The following IPCEF1 variants were observed in gnomAD, a reference collection of about 807,000 sequenced individuals.
IPCEF1 encodes interaction protein for cytohesin exchange factors 1, also known as interactor protein for cytohesin exchange factors 1.
IPCEF1 carries 31 observed loss-of-function variants against 50.9 expected under a neutral mutation model. The observed-to-expected ratio is 0.61, with a 90% CI of 0.46 to 0.82. The LOEUF (loss-of-function observed/expected upper bound fraction) is 0.82, where lower values mean the gene tolerates loss of function less well. IPCEF1 is among the 40% of genes least tolerant of loss of function. The pLI is 0.00. For missense variants in IPCEF1, 458 were observed against 514.0 expected, an observed-to-expected ratio of 0.89 and a Z score of 1.05; for synonymous variants, 181 against 192.0, an observed-to-expected ratio of 0.94 and a Z score of 0.47.
Position 154,342,428 on chromosome 6 carries a change from C to A in IPCEF1, c.-62+14244G>T, listed in dbSNP as rs891440484. 9.2e-5 allele frequency among the ~76,000 whole-genome samples: 14 copies of A among 152,226 alleles called. 2 individuals carry two copies. The highest frequency in any genetic ancestry group is 2.0e-4 in the Admixed American group (3 of 15,296). On this transcript the variant is annotated intron_variant, in intron 1 of 11. Transcript: ENST00000367220. Reference sequence around the variant, plus strand: ...AGAATGTAACCATTCCTCTTACTACCTACTCACCCCTCTCCCTACATGCCT... The same window carrying A: ...AGAATGTAACCATTCCTCTTACTACATACTCACCCCTCTCCCTACATGCCT...
intron 10 of IPCEF1, among the ~76,000 whole-genome samples, chr6:154,194,828 G>A (rs1479726204): frequency 6.6e-6 from 1 of 152,138 alleles, no homozygotes; most frequent in East Asian, 1.9e-4. Flanking sequence ...GAGAAAGCAG[G>A]TGGTGAATCA....
chr6:154,176,227 G>T (rs1291044262), intron 10 of IPCEF1, among the ~76,000 whole-genome samples: 1 of 152,140 alleles, frequency 6.6e-6, no homozygotes, highest in East Asian at 1.9e-4. Flanking sequence ...TACTGAATGG[G>T]CAAAAACTGG....
intron 10 of IPCEF1, among the ~76,000 whole-genome samples, chr6:154,193,869 A>G (rs1345243429): frequency 6.6e-6 from 1 of 152,254 alleles, no homozygotes; most frequent in African/African-American, 2.4e-5. Flanking sequence ...TCCATACTCT[A>G]TACAGACAAA....
At chr6:154,261,538 T>C (rs1462942684) in intron 3 of IPCEF1, among the ~76,000 whole-genome samples, 1 of 152,142 alleles carries the variant, frequency 6.6e-6, no homozygotes, top group Non-Finnish European at 1.5e-5. Context: ...ACTGAACCGA[T>C]AGAACTTGGT....
chr6:154,293,255 A>G (rs142567535), intron 1 of IPCEF1, among the ~76,000 whole-genome samples: 34 of 152,326 alleles, frequency 2.2e-4, no homozygotes, highest in African/African-American at 7.9e-4. Context: ...AAAGCCAGAC[A>G]AGGTTTAGAG....
At chr6:154,352,494 T>C (rs181952263) in intron 1 of IPCEF1, among the ~76,000 whole-genome samples, 5 of 152,230 alleles carry the variant, frequency 3.3e-5, no homozygotes, top group Non-Finnish European at 7.3e-5. Context: ...TGGGCTGAGT[T>C]TAAGCTGGCT....
At chr6:154,179,218 A>G (rs1378402166) in intron 10 of IPCEF1, among the ~76,000 whole-genome samples, 1 of 152,212 alleles carries the variant, frequency 6.6e-6, no homozygotes, top group East Asian at 1.9e-4. Context: ...CTGACCCCAA[A>G]GCAAATGTGA....
chr6:154,248,619 G>C (rs1220676420), intron 3 of IPCEF1, among the ~76,000 whole-genome samples: 1 of 152,078 alleles, frequency 6.6e-6, no homozygotes, highest in Admixed American at 6.6e-5. Context: ...GTTTGAAGAA[G>C]GGATATGACA....
intron 1 of IPCEF1, among the ~76,000 whole-genome samples, chr6:154,321,118 AC>A (rs1783363045): frequency 6.6e-6 from 1 of 151,856 alleles, no homozygotes; most frequent in Non-Finnish European, 1.5e-5. Flanking sequence ...TTTTGTAGCG[AC>A]GGGGTTTCTC....
intron 1 of IPCEF1, among the ~76,000 whole-genome samples, chr6:154,344,011 T>C (rs1379231472): frequency 6.6e-6 from 1 of 152,188 alleles, no homozygotes; most frequent in Non-Finnish European, 1.5e-5. Flanking sequence ...CCAGTTTTTG[T>C]GCAGGCTACG....
At chr6:154,192,317 A>ACT (rs940505636) in intron 10 of IPCEF1, among the ~76,000 whole-genome samples, 1 of 47,208 alleles carries the variant, frequency 2.1e-5, no homozygotes, top group Non-Finnish European at 4.1e-5. Flanking sequence ...CCACGTGGTT[A>ACT]CTGTGTGTGT....
chr6:154,295,955 C>T (rs1046433309), intron 1 of IPCEF1, among the ~76,000 whole-genome samples: 2 of 151,924 alleles, frequency 1.3e-5, no homozygotes, highest in Admixed American at 6.6e-5. Context: ...GTTGGCTGGC[C>T]GCCATCTAAT....
rs1384667158 is a variant in IPCEF1 at position 154,199,712 on chromosome 6, A to T, written c.866T>A (p.Leu289His). ...TCCAGCAGGCTTATCTGGGACAGTA[A>T]GATGGTCATGATTGCTACTCAATGA... ...TSSLSSNHDHLTVPDKPAGSK... is the reference protein window; with the variant it reads ...TSSLSSNHDHHTVPDKPAGSK... The change falls in exon 10 of 12, where the codon CTT (leucine) becomes CAT (histidine). Residue 289 changes from leucine to histidine, a missense_variant. Coordinates refer to ENST00000367220, the MANE Select transcript of IPCEF1 (RefSeq NM_001130700.2). 1 of 1,613,940 alleles carries T rather than the reference A, an allele frequency of 6.2e-7. No individual in the cohort carries two copies. The highest frequency in any genetic ancestry group is 1.7e-5 in the Admixed American group (1 of 60,030).
chr6:154,175,900 G>A (rs1174040758), intron 10 of IPCEF1, among the ~76,000 whole-genome samples: 1 of 152,156 alleles, frequency 6.6e-6, no homozygotes, highest in East Asian at 1.9e-4. Flanking sequence ...TATCCCTGAT[G>A]AACATTGATG....
intron 2 of IPCEF1, among the ~76,000 whole-genome samples, chr6:154,282,064 G>A (rs1782227631): frequency 1.3e-5 from 2 of 152,160 alleles, no homozygotes; most frequent in African/African-American, 4.8e-5. Context: ...AGCTACTCGG[G>A]AGGCTGAGGC....
intron 10 of IPCEF1, among the ~76,000 whole-genome samples, chr6:154,177,309 G>A (rs1800417854): frequency 6.6e-6 from 1 of 152,178 alleles, no homozygotes; most frequent in Non-Finnish European, 1.5e-5. Context: ...AAACTAAGAA[G>A]CTTCTGCACA....
At chr6:154,215,211 T>C (rs9383694) in intron 7 of IPCEF1, among the ~76,000 whole-genome samples, 8,303 of 152,202 alleles carry the variant, frequency 0.055, 311 homozygotes, top group East Asian at 0.2. Context: ...GCCATAAATA[T>C]TGCACCTTCC....
chr6:154,167,324 T>C (rs1799521431), intron 11 of IPCEF1, among the ~76,000 whole-genome samples: 4 of 152,238 alleles, frequency 2.6e-5, no homozygotes, highest in Admixed American at 2.6e-4. Flanking sequence ...TCCTGTACAC[T>C]TTCCCTTATT....
At chr6:154,211,943 A>G (rs1777995745) in intron 9 of IPCEF1, among the ~76,000 whole-genome samples, 1 of 152,212 alleles carries the variant, frequency 6.6e-6, no homozygotes, top group Admixed American at 6.5e-5. Flanking sequence ...CACAAAAGAG[A>G]AAGTTCTAAT....
Sources: gnomAD v4.1 joint callset for allele counts (sites outside exome capture counted in the v4.1 genomes callset) on GRCh38, gnomAD v4.1.1 for gene constraint, MANE v1.5 for transcripts, NCBI Gene and HGNC (gene_info 2026-07-23, HGNC 2026-07-21) for gene names.